The following MYO1G variants were observed in gnomAD, a reference collection of about 807,000 sequenced individuals.
The protein encoded by MYO1G is unconventional myosin-Ig.
In MYO1G, 65 loss-of-function variants were observed where a neutral mutation model predicts 115.3. The observed-to-expected ratio is 0.56, with a 90% CI of 0.46 to 0.69. The LOEUF (loss-of-function observed/expected upper bound fraction) is 0.69. MYO1G is among the 30% of genes least tolerant of loss of function. The pLI is 0.00. For synonymous variants in MYO1G, 510 were observed against 552.6 expected (o/e 0.92, Z 1.08); for missense variants, 1,204 against 1,393.5 (o/e 0.86, Z 2.16).
At chr7:44,968,093 T>A in intron 12 of MYO1G, 135 bp from the exon 13 acceptor site, 1 of 703,596 alleles carries the variant, frequency 1.4e-6, no homozygotes. Context: ...CCCTCTGCCT[T>A]GGCTCCTCTC....
chr7:44,967,993 C>A (rs762736790), intron 12 of MYO1G, 35 bp from the exon 13 acceptor site: 2 of 1,595,456 alleles, frequency 1.3e-6, no homozygotes, highest in Non-Finnish European at 8.6e-7. Flanking sequence ...GGAGCAGGGG[C>A]GGGGGCTGCC....
rs371871174 is a variant in MYO1G at position 44,967,936 on chromosome 7, C to T, written c.1597G>A (p.Asp533Asn). The change falls in exon 13 of 22, where the codon GAC becomes AAC. Residue 533 changes from aspartate to asparagine, a missense_variant. Asp to Asn is a conservative substitution (Grantham distance 23). Coordinates refer to ENST00000258787, the MANE Select transcript of MYO1G (RefSeq NM_033054.3). ...TGGAAGAGGAAATCTCTGTTCTTGT[C>T]GATGAAGCCTTCCACGGAGTACCTA... ...DVTYSVEGFI[D>N]KNRDFLFQDF... 95 of 1,613,886 alleles carry T rather than the reference C, an allele frequency of 5.9e-5. No homozygotes were observed. The highest frequency in any genetic ancestry group is 7.6e-5 in the Non-Finnish European group (90 of 1,180,020).
In MYO1G at chr7:44,966,643, A is replaced by G; in HGVS notation, c.1949+29T>C. On this transcript the variant is annotated intron_variant, in intron 15 of 21. Coordinates refer to ENST00000258787, the MANE Select transcript of MYO1G (RefSeq NM_033054.3). This position sits in a 1 kb window ranked among gnomAD's most constrained non-coding sequence, Gnocchi z 5.0. ...GGACTCCACACAGGGACTATGGCCCATGGAGTGATGGGTGTCAGGTGCCAG... is the reference window on the plus strand; with the variant it reads ...GGACTCCACACAGGGACTATGGCCCGTGGAGTGATGGGTGTCAGGTGCCAG... 1 of 1,612,642 alleles carries G rather than the reference A, an allele frequency of 6.2e-7. No individual in the cohort carries two copies. The highest frequency in any genetic ancestry group is 8.5e-7 in the Non-Finnish European group (1 of 1,179,864).
Position 44,969,382 on chromosome 7 carries a change from GC to G in MYO1G, c.1574+30del. 6.2e-7 allele frequency: 1 copy of G among 1,611,916 alleles called. No homozygotes were observed. Among genetic ancestry groups the G allele is most frequent in the Non-Finnish European group, 8.5e-7 (1 of 1,178,326 alleles). On this transcript the variant is annotated intron_variant, in intron 12 of 21. Transcript: ENST00000258787. This position sits in a 1 kb window ranked among gnomAD's most constrained non-coding sequence, Gnocchi z 5.0. Reference sequence around the variant, plus strand: ...CACATGCCATGGTGCCTGTGGGAAAGCCAGGGATGTGGGTGGGAGGGGGCCC... The same window carrying G: ...CACATGCCATGGTGCCTGTGGGAAAGCAGGGATGTGGGTGGGAGGGGGCCC...
In MYO1G at chr7:44,965,827, G is replaced by C. The variant is rs367655783; in HGVS notation, c.2191C>G (p.Arg731Gly). ...ATGGTGTAGATAGCCCTCAGCCTCC[G>C]GCAGCGCCACCTCGCCAAGGTGCCC... ...WRGTLARWRC[R>G]RLRAIYTIMR... Residue 731 changes from arginine (R) to glycine (G), a missense_variant, in exon 17 of 22, where the codon CGG (arginine) becomes GGG (glycine). Physicochemically the swap from Arg to Gly is moderately radical, Grantham distance 125 (BLOSUM62 -2). Transcript: ENST00000258787. 31 of 1,599,772 alleles carry C rather than the reference G, an allele frequency of 1.9e-5. No homozygotes were observed. Among genetic ancestry groups the C allele is most frequent in the South Asian group, 1.1e-5 (1 of 91,000 alleles).
At position 44,964,915 on chromosome 7, in the gene MYO1G, CT is replaced by C; in HGVS notation, c.2526+29del. ...GCCCTCTTTGGCAGCCCACTTCCCC[CT>C]GGCAGCCCTGGACTCGCCTGGCACT... On this transcript the variant is annotated intron_variant, in intron 18 of 21. Transcript: ENST00000258787. This position sits in a 1 kb window ranked among gnomAD's most constrained non-coding sequence, Gnocchi z 5.1. The C allele has an allele frequency of 6.3e-7, 1 of 1,580,184 alleles. No homozygotes were observed. The highest frequency in any genetic ancestry group is 1.3e-5 in the African/African-American group (1 of 74,234).
rs1794905843 is a variant in MYO1G, at chr7:44,969,130, CA to C, written c.1574+282del. On this transcript the variant is annotated intron_variant, in intron 12 of 21. Coordinates refer to ENST00000258787, the MANE Select transcript of MYO1G (RefSeq NM_033054.3). The surrounding 1 kb of genome is among the most constrained non-coding windows in gnomAD (Gnocchi z 5.0). ...ATCACCAGCCTGAAGCCCCCCACCC[CA>C]CAGATGCTGGTATAGGGTTGGGCCC... 1 of 347,900 alleles carries C rather than the reference CA, an allele frequency of 2.9e-6. No individual in the cohort carries two copies. Among genetic ancestry groups the C allele is most frequent in the Non-Finnish European group, 5.5e-6 (1 of 182,894 alleles). The allele number at this position is 347,900 out of a possible 1,614,324, so 21.6% of individuals were successfully genotyped here.
chr7:44,965,582 A>T, intron 17 of MYO1G, 55 bp downstream of exon 17: 1 of 1,528,764 alleles, frequency 6.5e-7, no homozygotes, highest in Non-Finnish European at 9.0e-7. Flanking sequence ...ATGATGGGTT[A>T]AGGTATTCAG....
chr7:44,962,762 T>C lies in MYO1G; in HGVS notation c.3034A>G (p.Thr1012Ala). The C allele has an allele frequency of 1.3e-6, 2 of 1,481,484 alleles. No individual in the cohort carries two copies. Among genetic ancestry groups the C allele is most frequent in the South Asian group, 2.7e-5 (2 of 73,304 alleles). 91.8% of individuals were successfully genotyped at this position (1,481,484 alleles called of 1,614,324 possible). The change falls in exon 22 of 22, where the codon ACC becomes GCC. Residue 1012 changes from threonine (T) to alanine (A), a missense_variant. Coordinates refer to ENST00000258787, the MANE Select transcript of MYO1G (RefSeq NM_033054.3). The surrounding 1 kb of genome is among the most constrained non-coding windows in gnomAD (Gnocchi z 5.3). ...PDFRCARGSF[T>A]LLWPSR is the part of the protein sequence containing the mutation. The stretch of plus-strand genomic sequence containing the variant: ...GCTCAGCGGCTGGGCCAGAGCAGGG[T>C]GAAGGAGCCGCGAGCGCAGCGGAAA...
rs756359150 is a variant in MYO1G at position 44,972,273 on chromosome 7, C to T, written c.619-48G>A. The T allele has an allele frequency of 5.3e-6, 7 of 1,328,986 alleles. No homozygotes were observed. In the East Asian group the frequency reaches 9.2e-5, roughly 17 times the overall value. 82.3% of individuals were successfully genotyped at this position (1,328,986 alleles called of 1,614,324 possible). ...AGACAAATAAGCTCCCAGGATGTCCCCCTGTACACACACACAGGCAGGAGA... is the reference window on the plus strand; with the variant it reads ...AGACAAATAAGCTCCCAGGATGTCCTCCTGTACACACACACAGGCAGGAGA... On this transcript the variant is annotated intron_variant, in intron 5 of 21. Coordinates refer to ENST00000258787, the MANE Select transcript of MYO1G (RefSeq NM_033054.3).
At chr7:44,977,513 C>A (rs1172544644) in intron 1 of MYO1G, among the ~76,000 whole-genome samples, 3 of 152,144 alleles carry the variant, frequency 2.0e-5, no homozygotes, top group African/African-American at 7.2e-5. Context: ...TGTCTCAAGG[C>A]CTGGGCGGGA....
chr7:44,967,859 A>G (rs987422980), intron 13 of MYO1G, 25 bp downstream of exon 13: 32 of 1,613,412 alleles, frequency 2.0e-5, no homozygotes, highest in Non-Finnish European at 2.6e-5. Context: ...GGCCCTCCCT[A>G]TGGTGCCCAG....
intron 7 of MYO1G, 60 bp downstream of exon 7, chr7:44,971,613 T>C: frequency 7.7e-7 from 1 of 1,306,074 alleles, no homozygotes; most frequent in Middle Eastern, 2.0e-4. Context: ...CCCTGGGTGC[T>C]TCCCAGCCAG....
At chr7:44,972,860 A>T (rs1015856329) in intron 5 of MYO1G, 1 of 150,362 alleles carries the variant, frequency 6.7e-6, no homozygotes, top group Non-Finnish European at 1.5e-5. Flanking sequence ...CTGTGTCCCA[A>T]AAGTTCCCAC....
At chr7:44,974,894 A>T in intron 5 of MYO1G, 2 of 518,516 alleles carry the variant, frequency 3.9e-6, no homozygotes, top group Non-Finnish European at 7.0e-6. Flanking sequence ...CTTATTGTTC[A>T]CAGAGACACT....
chr7:44,976,059 CT>C (rs1795044392), intron 3 of MYO1G, among the ~76,000 whole-genome samples: 5 of 152,242 alleles, frequency 3.3e-5, no homozygotes, highest in Admixed American at 2.6e-4. Context: ...CTTGTCCCCC[CT>C]GAATCCCATC....
intron 1 of MYO1G, among the ~76,000 whole-genome samples, chr7:44,977,578 T>C (rs1411972357): frequency 3.0e-5 from 4 of 132,174 alleles, no homozygotes; most frequent in South Asian, 2.3e-4. Context: ...AGGGAGGGAG[T>C]TGATGTCGTT....
In MYO1G at chr7:44,964,895, C is replaced by T. The variant is rs781753352; in HGVS notation, c.2526+50G>A. 3.2e-6 allele frequency: 5 copies of T among 1,567,458 alleles called. No homozygotes were observed. On this transcript the variant is annotated intron_variant, in intron 18 of 21. Coordinates refer to ENST00000258787, the MANE Select transcript of MYO1G (RefSeq NM_033054.3). The surrounding 1 kb of genome is among the most constrained non-coding windows in gnomAD (Gnocchi z 5.1). Reference sequence around the variant, plus strand: ...GGTCACAGCATTAGCCGAGAGCCCTCTTTGGCAGCCCACTTCCCCCTGGCA... The same window carrying T: ...GGTCACAGCATTAGCCGAGAGCCCTTTTTGGCAGCCCACTTCCCCCTGGCA...
chr7:44,966,429 C>CACATGTCCTCACAT lies in MYO1G; in HGVS notation c.1950-163_1950-150dup. The CACATGTCCTCACAT allele has an allele frequency of 4.9e-6, 4 of 817,992 alleles. No individual in the cohort carries two copies. Among genetic ancestry groups the CACATGTCCTCACAT allele is most frequent in the Non-Finnish European group, 8.1e-6 (4 of 491,648 alleles). 50.7% of individuals were successfully genotyped at this position (817,992 alleles called of 1,614,324 possible). ...ACCTGTGCACATATGTCTTCCCATA[C>CACATGTCCTCACAT]ACATGTCCTCACATACATGTCCTCA... On this transcript the variant is annotated intron_variant, in intron 15 of 21. Coordinates refer to ENST00000258787, the MANE Select transcript of MYO1G (RefSeq NM_033054.3). The surrounding 1 kb of genome is among the most constrained non-coding windows in gnomAD (Gnocchi z 5.0).
Sources: allele counts gnomAD v4.1 joint callset (sites outside exome capture counted in the v4.1 genomes callset), GRCh38; gene constraint gnomAD v4.1.1; non-coding constraint Gnocchi (gnomAD v3.1); transcripts MANE v1.5; gene names NCBI Gene and HGNC (gene_info 2026-07-23, HGNC 2026-07-21).